CDC40: variants seen among roughly 807,000 people sequenced by gnomAD.
CDC40 encodes pre-mRNA-processing factor 17.
A neutral mutation model predicts 80.6 loss-of-function variants in CDC40; 27 were observed. The observed-to-expected ratio is 0.33, with a 90% confidence interval of 0.25 to 0.46. The LOEUF (loss-of-function observed/expected upper bound fraction) is 0.46, where lower values mean the gene tolerates loss of function less well. CDC40 is among the 20% of genes least tolerant of loss of function. The pLI is 1.00. For missense variants in CDC40, 486 were observed against 694.1 expected, an observed-to-expected ratio of 0.70 and a Z score of 3.37; for synonymous variants, 221 against 232.6, an observed-to-expected ratio of 0.95 and a Z score of 0.45.
chr6:110,226,464 C>T (rs1204622773), intron 13 of CDC40, among the ~76,000 whole-genome samples: 1 of 152,136 alleles, frequency 6.6e-6, no homozygotes, highest in African/African-American at 2.4e-5. Flanking sequence ...ATAAAAGAAA[C>T]AATGATTTAC....
intron 12 of CDC40, among the ~76,000 whole-genome samples, chr6:110,220,847 C>T (rs144300558): frequency 4.1e-4 from 62 of 152,222 alleles, no homozygotes; most frequent in Middle Eastern, 3.4e-3. Context: ...CTTACTACCA[C>T]GCAAGAACAG....
intron 1 of CDC40, among the ~76,000 whole-genome samples, chr6:110,188,116 TGTA>T (rs1777298544): frequency 6.6e-6 from 1 of 152,250 alleles, no homozygotes; most frequent in Non-Finnish European, 1.5e-5. Context: ...TTTCTTAAAT[TGTA>T]CTTTGCATTT....
chr6:110,185,733 G>A (rs537142599), intron 1 of CDC40, among the ~76,000 whole-genome samples: 6 of 152,232 alleles, frequency 3.9e-5, no homozygotes, highest in African/African-American at 1.2e-4. Context: ...TAAAATTTCC[G>A]TATTTGAAAA....
intron 2 of CDC40, 87 bp downstream of exon 2, chr6:110,193,355 T>A: frequency 1.3e-6 from 1 of 764,874 alleles, no homozygotes; most frequent in Non-Finnish European, 2.3e-6. Context: ...TTTTTAAAAG[T>A]TTTATCACAT....
chr6:110,206,375 CAT>C (rs751559087), intron 3 of CDC40, among the ~76,000 whole-genome samples: 54 of 152,290 alleles, frequency 3.5e-4, no homozygotes, highest in African/African-American at 1.2e-3. Context: ...TTATCGTACA[CAT>C]GAGTTGTAGG....
intron 1 of CDC40, among the ~76,000 whole-genome samples, chr6:110,182,827 C>T (rs1404827653): frequency 3.3e-5 from 5 of 152,188 alleles, no homozygotes; most frequent in Non-Finnish European, 7.3e-5. Context: ...TCTACTTCTT[C>T]CTTTCTTGTC....
chr6:110,207,427 T>C (rs939676710), intron 3 of CDC40, 79 bp from the exon 4 acceptor site: 18 of 727,592 alleles, frequency 2.5e-5, no homozygotes, highest in Admixed American at 1.9e-4. Context: ...AAATGTGAAA[T>C]GTGTATATTT....
In CDC40 at chr6:110,193,243, C is replaced by T. The variant is rs1237365248; in HGVS notation, c.251C>T (p.Thr84Ile). ...PAVKEVQYNP[T>I]YETMFAPEFG... The stretch of plus-strand genomic sequence containing the variant: ...GTCAAAGAAGTTCAGTATAATCCTA[C>T]CTATGAGACCATGTTTGCTCCTGAG... Residue 84 changes from threonine to isoleucine, a missense_variant, in exon 2 of 15, where the codon ACC (threonine) becomes ATC (isoleucine). Thr to Ile is a moderately conservative substitution (Grantham distance 89). Coordinates refer to ENST00000307731, the MANE Select transcript of CDC40 (RefSeq NM_015891.3). The T allele has an allele frequency of 6.2e-7, 1 of 1,604,804 alleles. No homozygotes were observed. Among genetic ancestry groups the T allele is most frequent in the East Asian group, 2.2e-5 (1 of 44,806 alleles).
At chr6:110,190,894 C>T (rs867081255) in intron 1 of CDC40, among the ~76,000 whole-genome samples, 4 of 152,140 alleles carry the variant, frequency 2.6e-5, no homozygotes, top group Non-Finnish European at 5.9e-5. Context: ...GCTGATCTCC[C>T]CCAACCCTTC....
chr6:110,195,702 GC>G (rs1209352906), intron 2 of CDC40, among the ~76,000 whole-genome samples: 1 of 152,080 alleles, frequency 6.6e-6, no homozygotes. Context: ...GGCTAGGTAG[GC>G]TTTTATGAGG....
chr6:110,194,984 C>G (rs552994895), intron 2 of CDC40, among the ~76,000 whole-genome samples: 2 of 152,214 alleles, frequency 1.3e-5, no homozygotes, highest in South Asian at 4.1e-4. Flanking sequence ...GTTAGAGAAC[C>G]TCACATTAAA....
chr6:110,219,692 C>T, intron 11 of CDC40, 44 bp from the exon 12 acceptor site: 1 of 1,591,198 alleles, frequency 6.3e-7, no homozygotes, highest in Non-Finnish European at 8.6e-7. Flanking sequence ...TTTCATAAAT[C>T]CACTCTACTT....
chr6:110,209,422 G>T, intron 5 of CDC40, 199 bp downstream of exon 5: 1 of 453,560 alleles, frequency 2.2e-6, no homozygotes, highest in Non-Finnish European at 3.9e-6. Flanking sequence ...CTGCTGATTT[G>T]TTTTCTCTCA....
chr6:110,195,059 G>C (rs1358862297), intron 2 of CDC40, among the ~76,000 whole-genome samples: 2 of 152,156 alleles, frequency 1.3e-5, no homozygotes, highest in Admixed American at 6.5e-5. Flanking sequence ...AGGACTGATA[G>C]GACTTAAAAG....
chr6:110,190,908 G>C (rs187960070), intron 1 of CDC40, among the ~76,000 whole-genome samples: 1 of 152,098 alleles, frequency 6.6e-6, no homozygotes, highest in East Asian at 1.9e-4. Context: ...ACCCTTCCTC[G>C]GGCGCTGACA....
At chr6:110,215,413 C>A in intron 9 of CDC40, 82 bp downstream of exon 9, 1 of 1,074,348 alleles carries the variant, frequency 9.3e-7, no homozygotes, top group Non-Finnish European at 1.4e-6. Context: ...CTTTACTACA[C>A]CGATAGGAAG....
At chr6:110,187,476 C>T (rs189937319) in intron 1 of CDC40, among the ~76,000 whole-genome samples, 17 of 152,210 alleles carry the variant, frequency 1.1e-4, no homozygotes, top group East Asian at 5.8e-4. Context: ...TTCAAATGGA[C>T]GACCTTTTCC....
chr6:110,211,774 C>G (rs1777639794), intron 6 of CDC40: 1 of 159,774 alleles, frequency 6.3e-6, no homozygotes, highest in African/African-American at 2.4e-5. Flanking sequence ...ATTTCTGCTT[C>G]TTTACCAGTG....
At position 110,230,367 on chromosome 6, in the gene CDC40, T is replaced by C. The variant is rs112807304; in HGVS notation, c.*236T>C. 8 of 400,054 alleles carry C rather than the reference T, an allele frequency of 2.0e-5. No individual in the cohort carries two copies. The highest frequency in any genetic ancestry group is 8.5e-5 in the African/African-American group (4 of 47,324). 24.8% of individuals were successfully genotyped at this position (400,054 alleles called of 1,614,324 possible). A position where few individuals can be genotyped will look rare whatever the true frequency, so the allele number is the denominator to read the frequency against. ...TGACTTTCTATTTGACAAGTAGTTA[T>C]AATTGGCAAGCAGTTTGAGTTTATA... On this transcript the variant is annotated 3_prime_UTR_variant, in exon 15 of 15. Transcript: ENST00000307731.
Sources: gnomAD v4.1 joint callset for allele counts (sites outside exome capture counted in the v4.1 genomes callset) on GRCh38, gnomAD v4.1.1 for gene constraint, MANE v1.5 for transcripts, NCBI Gene and HGNC (gene_info 2026-07-23, HGNC 2026-07-21) for gene names.